The following TIAM2 variants were observed in gnomAD, a reference collection of about 807,000 sequenced individuals.
The protein encoded by TIAM2 is TIAM Rac1 associated GEF 2, also known as rho guanine nucleotide exchange factor TIAM2.
TIAM2 carries 80 observed loss-of-function variants against 152.9 expected under a neutral mutation model. The ratio of observed to expected loss-of-function variants is 0.52; its 90% CI spans 0.44 to 0.63. TIAM2 has a LOEUF of 0.63. Ranked by LOEUF, TIAM2 falls within the 30% of genes least tolerant of loss-of-function variation. TIAM2 has a pLI of 0.00. For missense variants in TIAM2, 1,965 were observed against 2,120.1 expected (o/e 0.93, Z 1.44); for synonymous variants, 804 against 838.0 (o/e 0.96, Z 0.70).
intron 1 of TIAM2, among the ~76,000 whole-genome samples, chr6:155,045,111 C>T (rs1334175001): frequency 1.1e-4 from 16 of 140,462 alleles, no homozygotes; most frequent in African/African-American, 4.1e-4. Flanking sequence ...AGTGCAGTGG[C>T]GCGATCTCGG....
At position 155,029,477 on chromosome 6, in the gene TIAM2, T is replaced by A. The variant is rs1163480635; in HGVS notation, c.-209+33985T>A. Among the ~76,000 whole-genome samples the A allele has an allele frequency of 8.7e-4, 3 of 3,468 alleles. 1 individual carries two copies. Among genetic ancestry groups the A allele is most frequent in the East Asian group, 6.4e-3 (1 of 156 alleles). 2.3% of individuals were successfully genotyped at this position (3,468 alleles called of 152,430 possible). A position where few individuals can be genotyped will look rare whatever the true frequency, so the allele number is the denominator to read the frequency against. On this transcript the variant is annotated intron_variant, in intron 1 of 26. Coordinates refer to ENST00000682666, the MANE Select transcript of TIAM2 (RefSeq NM_012454.4). ...ATATTATATATAATATATACTATAGTATATATACTATAGTATATATTATAT... is the reference window on the plus strand; with the variant it reads ...ATATTATATATAATATATACTATAGAATATATACTATAGTATATATTATAT...
chr6:155,072,875 C>T (rs1411057121), intron 1 of TIAM2, among the ~76,000 whole-genome samples: 2 of 152,058 alleles, frequency 1.3e-5, no homozygotes, highest in African/African-American at 4.8e-5. Context: ...GCCACTGAAG[C>T]CAACAGAGGA....
At chr6:155,179,849 T>C (rs1444436448) in intron 12 of TIAM2, among the ~76,000 whole-genome samples, 1 of 152,238 alleles carries the variant, frequency 6.6e-6, no homozygotes, top group Non-Finnish European at 1.5e-5. Flanking sequence ...GCTCCCCTTC[T>C]TTCCTCTTTC....
chr6:155,015,863 G>A (rs1778566566), intron 1 of TIAM2, among the ~76,000 whole-genome samples: 1 of 150,240 alleles, frequency 6.7e-6, no homozygotes, highest in Admixed American at 6.7e-5. Context: ...CTTGAACCCA[G>A]GAGGCGGGGG....
At chr6:155,093,778 A>G (rs188837668) in intron 2 of TIAM2, among the ~76,000 whole-genome samples, 2 of 152,256 alleles carry the variant, frequency 1.3e-5, no homozygotes, top group Admixed American at 6.5e-5. Context: ...GCCCTTTTCA[A>G]TGCTTGTATG....
chr6:155,062,927 C>A (rs558405226), intron 1 of TIAM2, among the ~76,000 whole-genome samples: 1 of 152,118 alleles, frequency 6.6e-6, no homozygotes, highest in Admixed American at 6.6e-5. Context: ...CATTGAGCAC[C>A]TTTTCATGTG....
At chr6:155,019,172 C>T (rs1776412781) in intron 1 of TIAM2, among the ~76,000 whole-genome samples, 1 of 151,678 alleles carries the variant, frequency 6.6e-6, no homozygotes, top group Non-Finnish European at 1.5e-5. Flanking sequence ...CCCTTCTCTA[C>T]TAAAAATACA....
intron 1 of TIAM2, among the ~76,000 whole-genome samples, chr6:155,023,201 T>C (rs965077741): frequency 6.6e-6 from 1 of 152,192 alleles, no homozygotes; most frequent in Non-Finnish European, 1.5e-5. Flanking sequence ...AAATTGACTT[T>C]GAAGGAAAAT....
intron 15 of TIAM2, 36 bp downstream of exon 15, chr6:155,211,343 G>C (rs760565121): frequency 3.6e-5 from 57 of 1,585,730 alleles, no homozygotes; most frequent in Non-Finnish European, 4.5e-5. Flanking sequence ...CCAAGAACCA[G>C]GCAGGCGAGT....
intron 7 of TIAM2, among the ~76,000 whole-genome samples, chr6:155,154,912 C>A (rs928408981): frequency 6.6e-6 from 1 of 152,152 alleles, no homozygotes; most frequent in East Asian, 1.9e-4. Context: ...CAATTGGCAA[C>A]TGGTGAAGAG....
intron 15 of TIAM2, among the ~76,000 whole-genome samples, chr6:155,230,631 T>C (rs542252907): frequency 6.6e-6 from 1 of 152,200 alleles, no homozygotes; most frequent in Admixed American, 6.5e-5. Flanking sequence ...TAGGAAAAGA[T>C]TCCATTAAAA....
intron 1 of TIAM2, among the ~76,000 whole-genome samples, chr6:155,046,810 CTG>C (rs1322347386): frequency 2.0e-5 from 3 of 152,176 alleles, no homozygotes; most frequent in African/African-American, 7.2e-5. Flanking sequence ...GGCCACCTGT[CTG>C]TGTGGCAGCT....
At chr6:155,199,144 C>T (rs953798859) in intron 14 of TIAM2, among the ~76,000 whole-genome samples, 3 of 151,854 alleles carry the variant, frequency 2.0e-5, no homozygotes, top group Non-Finnish European at 2.9e-5. Flanking sequence ...GGTGCGATCT[C>T]GGTTCACTGC....
intron 4 of TIAM2, among the ~76,000 whole-genome samples, chr6:155,136,607 A>T (rs1336755278): frequency 6.6e-6 from 1 of 152,186 alleles, no homozygotes; most frequent in Non-Finnish European, 1.5e-5. Flanking sequence ...AAAATAAGAT[A>T]CTAGAGATCT....
intron 1 of TIAM2, among the ~76,000 whole-genome samples, chr6:155,008,277 G>A (rs1171286963): frequency 2.0e-5 from 3 of 152,204 alleles, no homozygotes; most frequent in Non-Finnish European, 1.5e-5. Flanking sequence ...TGCTAAAATA[G>A]CATGACACTG....
chr6:155,060,504 A>G (rs1485488767), intron 1 of TIAM2, among the ~76,000 whole-genome samples: 6 of 152,262 alleles, frequency 3.9e-5, no homozygotes, highest in Non-Finnish European at 7.3e-5. Context: ...ATTTACTTAT[A>G]TAAGTATGGA....
chr6:155,033,214 G>A (rs1333071068), intron 1 of TIAM2, among the ~76,000 whole-genome samples: 2 of 151,898 alleles, frequency 1.3e-5, no homozygotes, highest in Non-Finnish European at 2.9e-5. Flanking sequence ...CCCTGCCTGC[G>A]CGCTACTTAA....
chr6:155,257,189 G>GC lies in TIAM2; in HGVS notation c.*69dup. 1.9e-6 allele frequency: 1 copy of GC among 535,446 alleles called. No individual in the cohort carries two copies. 33.2% of individuals were successfully genotyped at this position (535,446 alleles called of 1,614,324 possible). On this transcript the variant is annotated 3_prime_UTR_variant, in exon 27 of 27. Transcript: ENST00000682666. ...TTAAACTGGTGGTAAAGTGGAAATT[G>GC]CAAAAAAAAAAAAAAAAAAAAACTG...
chr6:155,236,633 A>T (rs1405268524), intron 15 of TIAM2, among the ~76,000 whole-genome samples: 2 of 152,214 alleles, frequency 1.3e-5, no homozygotes, highest in East Asian at 1.9e-4. Context: ...ACTGCACTCC[A>T]GCCTGGGTGA....
Sources: gnomAD v4.1 joint callset for allele counts (sites outside exome capture counted in the v4.1 genomes callset) on GRCh38, gnomAD v4.1.1 for gene constraint, MANE v1.5 for transcripts, NCBI Gene and HGNC (gene_info 2026-07-23, HGNC 2026-07-21) for gene names.